PRDM6: variants seen among roughly 807,000 people sequenced by gnomAD.
PRDM6 encodes the protein PR/SET domain 6, also known as putative histone-lysine N-methyltransferase PRDM6.
Under a neutral mutation model 60.8 loss-of-function variants are expected in PRDM6, and 25 were observed. That is an observed-to-expected ratio of 0.41 (90% CI 0.30 to 0.57). The LOEUF is 0.57. Among genes scored for constraint, PRDM6 ranks in the 20% least tolerant of loss-of-function variants. The pLI is 0.27. For missense variants in PRDM6, 839 were observed against 821.3 expected, an observed-to-expected ratio of 1.02 and a Z score of -0.26; for synonymous variants, 407 against 357.4, an observed-to-expected ratio of 1.14 and a Z score of -1.57.
At chr5:123,123,388 A>T (rs1019575212) in intron 3 of PRDM6, among the ~76,000 whole-genome samples, 3 of 152,178 alleles carry the variant, frequency 2.0e-5, no homozygotes, top group African/African-American at 7.2e-5. Context: ...TTTGGCTCTC[A>T]TTCCAGAGAT....
chr5:123,185,215 A>C (rs1486459491), intron 7 of PRDM6, among the ~76,000 whole-genome samples: 2 of 152,214 alleles, frequency 1.3e-5, no homozygotes, highest in Non-Finnish European at 2.9e-5. Flanking sequence ...TCTAATACAC[A>C]AGATTAAAAA....
chr5:123,094,840 T>G (rs1179492593), intron 2 of PRDM6, among the ~76,000 whole-genome samples: 3 of 152,162 alleles, frequency 2.0e-5, no homozygotes, highest in Non-Finnish European at 4.4e-5. Context: ...CCTCACAAAC[T>G]GGCGCTCCCA....
chr5:123,139,063 G>A (rs1292010026), intron 3 of PRDM6, among the ~76,000 whole-genome samples: 1 of 152,100 alleles, frequency 6.6e-6, no homozygotes, highest in African/African-American at 2.4e-5. Context: ...TTTCTCTCCT[G>A]CCTCCTTGTG....
intron 5 of PRDM6, among the ~76,000 whole-genome samples, chr5:123,169,815 T>C (rs1765842722): frequency 6.6e-6 from 1 of 152,212 alleles, no homozygotes. Context: ...ATAGATGGAA[T>C]AACTGCGGCC....
At chr5:123,158,095 G>A (rs1374166909) in intron 4 of PRDM6, among the ~76,000 whole-genome samples, 4 of 152,202 alleles carry the variant, frequency 2.6e-5, no homozygotes, top group Admixed American at 1.3e-4. Flanking sequence ...CCTATTCGGT[G>A]CCTCAGAAGA....
At chr5:123,158,579 A>G (rs1412269590) in intron 4 of PRDM6, among the ~76,000 whole-genome samples, 1 of 152,238 alleles carries the variant, frequency 6.6e-6, no homozygotes, top group Non-Finnish European at 1.5e-5. Context: ...CCTATTGCCA[A>G]GAGCCACTTT....
chr5:123,170,638 G>C (rs1220276632), intron 5 of PRDM6, 128 bp from the exon 6 acceptor site: 1 of 711,238 alleles, frequency 1.4e-6, no homozygotes, highest in Non-Finnish European at 2.3e-6. Flanking sequence ...GGTTTGTTAT[G>C]TTAATTCTGA....
intron 3 of PRDM6, among the ~76,000 whole-genome samples, chr5:123,142,089 C>A (rs1416905842): frequency 6.6e-6 from 1 of 152,030 alleles, no homozygotes; most frequent in Non-Finnish European, 1.5e-5. Flanking sequence ...ATTAAATTTG[C>A]CTAGGTCTAA....
chr5:123,120,148 G>A (rs1375367260), intron 3 of PRDM6, among the ~76,000 whole-genome samples: 2 of 152,090 alleles, frequency 1.3e-5, no homozygotes, highest in African/African-American at 2.4e-5. Context: ...ATTTAAAGTG[G>A]GTCTTAGAAA....
At chr5:123,111,417 G>T (rs906720825) in intron 3 of PRDM6, among the ~76,000 whole-genome samples, 1 of 152,180 alleles carries the variant, frequency 6.6e-6, no homozygotes, top group African/African-American at 2.4e-5. Flanking sequence ...ACAAAACGCC[G>T]GCAGGGCGCG....
intron 2 of PRDM6, among the ~76,000 whole-genome samples, chr5:123,095,160 G>A (rs894651791): frequency 6.6e-6 from 1 of 152,242 alleles, no homozygotes; most frequent in Non-Finnish European, 1.5e-5. Context: ...CGCTCCCGGG[G>A]CTTGGAAGAC....
At chr5:123,115,027 C>T (rs891505023) in intron 3 of PRDM6, among the ~76,000 whole-genome samples, 2 of 152,120 alleles carry the variant, frequency 1.3e-5, no homozygotes, top group African/African-American at 2.4e-5. Flanking sequence ...CAGAAGACTG[C>T]TTGAGGTCTG....
chr5:123,121,352 T>G (rs431518), intron 3 of PRDM6, among the ~76,000 whole-genome samples: 1 of 152,014 alleles, frequency 6.6e-6, no homozygotes, highest in Non-Finnish European at 1.5e-5. Flanking sequence ...TTTCTTTTTT[T>G]GCTTCATTTT....
chr5:123,147,673 A>G (rs1457865797), intron 3 of PRDM6, among the ~76,000 whole-genome samples: 4 of 152,230 alleles, frequency 2.6e-5, no homozygotes, highest in Non-Finnish European at 5.9e-5. Context: ...GATGGAGCAA[A>G]ATGAATGAAC....
chr5:123,090,598 C>A lies in PRDM6; in HGVS notation c.584C>A (p.Pro195His), dbSNP rs570205613. The stretch of plus-strand genomic sequence containing the variant: ...CCGCTCAACCAGCACACCAGCGACC[C>A]CAACAACCGTACGTAGCCGCAGCCC... ...IIPLNQHTSD[P>H]NNRCDMCADN... is the part of the protein sequence containing the mutation. Residue 195 changes from proline (P) to histidine (H), a missense_variant, in exon 2 of 8, where the codon CCC (proline) becomes CAC (histidine). Physicochemically the swap from Pro to His is moderately conservative, Grantham distance 77. This residue lies in a region of PRDM6 where 730 missense variants were observed against 648.8 expected (regional missense o/e 1.13). Transcript: ENST00000407847. The A allele has an allele frequency of 2.0e-6, 3 of 1,522,792 alleles. No homozygotes were observed. Among genetic ancestry groups the A allele is most frequent in the African/African-American group, 2.8e-5 (2 of 71,332 alleles). The allele number at this position is 1,522,792 out of a possible 1,614,324, so 94.3% of individuals were successfully genotyped here.
chr5:123,161,501 T>G (rs1765630117), intron 5 of PRDM6, among the ~76,000 whole-genome samples: 1 of 152,272 alleles, frequency 6.6e-6, no homozygotes, highest in East Asian at 1.9e-4. Context: ...CAGGGTAAGC[T>G]TCACTGGGAA....
chr5:123,166,434 A>G (rs1765754065), intron 5 of PRDM6, among the ~76,000 whole-genome samples: 1 of 144,906 alleles, frequency 6.9e-6, no homozygotes, highest in African/African-American at 2.5e-5. Flanking sequence ...TGTCAATTCT[A>G]AAATTTATGT....
In PRDM6 at chr5:123,192,429, A is replaced by C. The variant is rs76289520; in HGVS notation, c.*5228A>C. ...GAGCTTTTAAAAATTAATAAACACA[A>C]GTATAATTTATTTATAAAATGTGTT... On this transcript the variant is annotated 3_prime_UTR_variant, in exon 8 of 8. Transcript: ENST00000407847. 3 of 152,216 alleles carry C rather than the reference A, an allele frequency of 2.0e-5. No homozygotes were observed. The highest frequency in any genetic ancestry group is 4.4e-5 in the Non-Finnish European group (3 of 68,044). The allele number at this position is 152,216 out of a possible 1,614,324, so 9.4% of individuals were successfully genotyped here.
At position 123,188,389 on chromosome 5, in the gene PRDM6, C is replaced by T. The variant is rs549520701; in HGVS notation, c.*1188C>T. 6.6e-6 allele frequency: 1 copy of T among 152,326 alleles called. No homozygotes were observed. The highest frequency in any genetic ancestry group is 2.4e-5 in the African/African-American group (1 of 41,578). The allele number at this position is 152,326 out of a possible 1,614,324, so 9.4% of individuals were successfully genotyped here. A position where few individuals can be genotyped will look rare whatever the true frequency, so the allele number is the denominator to read the frequency against. On this transcript the variant is annotated 3_prime_UTR_variant, in exon 8 of 8. Transcript: ENST00000407847. Reference sequence around the variant, plus strand: ...TTGATTAATTGAAAGAGAAGGAATTCTCCACACAATTTCACTATTCTTTGA... The same window carrying T: ...TTGATTAATTGAAAGAGAAGGAATTTTCCACACAATTTCACTATTCTTTGA...
Sources: allele counts gnomAD v4.1 joint callset (sites outside exome capture counted in the v4.1 genomes callset), GRCh38; gene constraint gnomAD v4.1.1; regional missense constraint gnomAD v4.1.1; transcripts MANE v1.5; gene names NCBI Gene and HGNC (gene_info 2026-07-23, HGNC 2026-07-21).